The following SLC9A9 variants were observed in gnomAD, a reference collection of about 807,000 sequenced individuals.
The protein encoded by SLC9A9 is sodium/hydrogen exchanger 9.
Under a neutral mutation model 77.8 loss-of-function variants are expected in SLC9A9, and 62 were observed. That is an observed-to-expected ratio of 0.80 (90% CI 0.65 to 0.98). The LOEUF is 0.98. Ranked by LOEUF, SLC9A9 falls within the 50% of genes least tolerant of loss-of-function variation. The probability of loss-of-function intolerance (pLI) is 0.00; values close to 1 mark genes in which losing one functional copy is unlikely to be tolerated. For synonymous variants in SLC9A9, 320 were observed against 283.5 expected, an observed-to-expected ratio of 1.13 and a Z score of -1.29; for missense variants, 775 against 774.9, an observed-to-expected ratio of 1.00 and a Z score of 0.00.
intron 14 of SLC9A9, among the ~76,000 whole-genome samples, chr3:143,352,411 T>A (rs2032481764): frequency 1.3e-5 from 2 of 152,222 alleles, no homozygotes; most frequent in African/African-American, 4.8e-5. Context: ...CAGTGAAACC[T>A]AATACACTGG....
At chr3:143,495,519 T>C in intron 9 of SLC9A9, 71 bp from the exon 10 acceptor site, 1 of 1,156,058 alleles carries the variant, frequency 8.7e-7, no homozygotes, top group Non-Finnish European at 1.3e-6. Flanking sequence ...TTCTGGTAAC[T>C]GTATTTGACA....
intron 12 of SLC9A9, among the ~76,000 whole-genome samples, chr3:143,402,269 C>G (rs1235387461): frequency 6.6e-6 from 1 of 152,096 alleles, no homozygotes; most frequent in Admixed American, 6.5e-5. Flanking sequence ...ATTTAAAAAT[C>G]CTTTGGCATG....
chr3:143,638,189 A>G lies in SLC9A9; in HGVS notation c.755+14066T>C, dbSNP rs2038558029. Reference sequence around the variant, plus strand: ...TGAAAAAGGATAAACCTCAAAACACATTAGGGTAAGAATTTAATTTAATGG... The same window carrying G: ...TGAAAAAGGATAAACCTCAAAACACGTTAGGGTAAGAATTTAATTTAATGG... On this transcript the variant is annotated intron_variant, in intron 6 of 15. Transcript: ENST00000316549. 3.9e-5 allele frequency among the ~76,000 whole-genome samples: 6 copies of G among 152,320 alleles called. No individual in the cohort carries two copies. The South Asian group carries it at 1.2e-3, about 32-fold the overall frequency.
At chr3:143,676,161 G>A (rs1932877163) in intron 5 of SLC9A9, among the ~76,000 whole-genome samples, 1 of 152,158 alleles carries the variant, frequency 6.6e-6, no homozygotes, top group Non-Finnish European at 1.5e-5. Flanking sequence ...GATCTGACAG[G>A]AGGTAAAGCC....
At chr3:143,753,295 T>C (rs2006808798) in intron 4 of SLC9A9, among the ~76,000 whole-genome samples, 1 of 152,208 alleles carries the variant, frequency 6.6e-6, no homozygotes, top group African/African-American at 2.4e-5. Context: ...ATCACTTTGC[T>C]CACACTAAAT....
At chr3:143,760,742 A>G (rs1265049688) in intron 4 of SLC9A9, among the ~76,000 whole-genome samples, 5 of 152,212 alleles carry the variant, frequency 3.3e-5, no homozygotes, top group Admixed American at 1.3e-4. Context: ...GGAATCATCA[A>G]TATCGTGAAA....
chr3:143,302,820 C>T (rs1341932558), intron 14 of SLC9A9, among the ~76,000 whole-genome samples: 1 of 152,198 alleles, frequency 6.6e-6, no homozygotes, highest in Non-Finnish European at 1.5e-5. Flanking sequence ...TGAAGTGGGT[C>T]ACTGTCAAGA....
At chr3:143,267,158 G>A (rs1028984480) in intron 15 of SLC9A9, among the ~76,000 whole-genome samples, 1 of 152,018 alleles carries the variant, frequency 6.6e-6, no homozygotes, top group African/African-American at 2.4e-5. Flanking sequence ...TGAGGTAAGA[G>A]GTGTTAAAGA....
intron 12 of SLC9A9, among the ~76,000 whole-genome samples, chr3:143,396,783 C>T (rs2033740535): frequency 6.6e-6 from 1 of 152,076 alleles, no homozygotes; most frequent in African/African-American, 2.4e-5. Flanking sequence ...CCTTACCTCA[C>T]CTGTGATTTT....
intron 9 of SLC9A9, among the ~76,000 whole-genome samples, chr3:143,505,884 GGGAAGGCCATTTTC>G (rs2036007015): frequency 6.6e-6 from 1 of 152,026 alleles, no homozygotes; most frequent in Admixed American, 6.6e-5. Context: ...ATAACTTAAG[GGGAAGGCCATTTTC>G]TCTGAATTTG....
At chr3:143,573,638 T>C (rs941304398) in intron 8 of SLC9A9, among the ~76,000 whole-genome samples, 1 of 152,126 alleles carries the variant, frequency 6.6e-6, no homozygotes, top group Non-Finnish European at 1.5e-5. Flanking sequence ...ATGGAACATA[T>C]GTGAAGATCT....
intron 14 of SLC9A9, among the ~76,000 whole-genome samples, chr3:143,337,759 TG>T (rs990626303): frequency 2.0e-5 from 3 of 152,186 alleles, no homozygotes; most frequent in Non-Finnish European, 4.4e-5. Context: ...TGCAGGTTCT[TG>T]GGGGAACCAA....
intron 9 of SLC9A9, among the ~76,000 whole-genome samples, chr3:143,547,763 T>G (rs1232895759): frequency 1.3e-5 from 2 of 152,224 alleles, no homozygotes; most frequent in Non-Finnish European, 1.5e-5. Context: ...GGACACCCAA[T>G]CTAATATTAC....
intron 4 of SLC9A9, among the ~76,000 whole-genome samples, chr3:143,743,214 G>A (rs1935116699): frequency 9.4e-6 from 1 of 106,796 alleles, no homozygotes; most frequent in African/African-American, 3.8e-5. Context: ...TAGATGGATG[G>A]ATGGATGGAT....
intron 6 of SLC9A9, among the ~76,000 whole-genome samples, chr3:143,620,791 C>T (rs2038193002): frequency 1.3e-5 from 2 of 152,074 alleles, no homozygotes; most frequent in African/African-American, 4.8e-5. Context: ...GTGCAGCGAC[C>T]AAGTGTGAGC....
intron 14 of SLC9A9, among the ~76,000 whole-genome samples, chr3:143,303,585 A>T (rs1342556110): frequency 6.6e-6 from 1 of 152,210 alleles, no homozygotes; most frequent in African/African-American, 2.4e-5. Context: ...AGGGAAAGAC[A>T]CAGTGAGACT....
chr3:143,722,046 G>A (rs1560048457), intron 4 of SLC9A9, among the ~76,000 whole-genome samples: 2 of 152,188 alleles, frequency 1.3e-5, no homozygotes, highest in African/African-American at 4.8e-5. Context: ...ACAAAGGGTA[G>A]CAGTCAGTAT....
chr3:143,306,923 A>G (rs1409009604), intron 14 of SLC9A9, among the ~76,000 whole-genome samples: 1 of 152,030 alleles, frequency 6.6e-6, no homozygotes. Context: ...GCCTGTACAC[A>G]TGCTATTTCC....
rs7429984 is a variant in SLC9A9 at position 143,725,900 on chromosome 3, A to G, written c.534-32593T>C. The stretch of plus-strand genomic sequence containing the variant: ...TTAAAGTATAATAATAATAAAAAAA[A>G]GAAAAAAATGATCCTTTGTGGAGTA... On this transcript the variant is annotated intron_variant, in intron 4 of 15. Transcript: ENST00000316549. Among the ~76,000 whole-genome samples, 8 of 28,764 alleles carry G rather than the reference A, an allele frequency of 2.8e-4. No individual in the cohort carries two copies. The South Asian group carries it at 0.011, about 38-fold the overall frequency. 18.9% of individuals were successfully genotyped at this position (28,764 alleles called of 152,430 possible).
Sources: allele counts gnomAD v4.1 joint callset (sites outside exome capture counted in the v4.1 genomes callset), GRCh38; gene constraint gnomAD v4.1.1; transcripts MANE v1.5; gene names NCBI Gene and HGNC (gene_info 2026-07-23, HGNC 2026-07-21).